Variants in KIAA1328 observed in about 807,000 individuals in gnomAD.
The protein encoded by KIAA1328 is KIAA1328.
In KIAA1328, 52 loss-of-function variants were observed where a neutral mutation model predicts 68.1. The observed-to-expected ratio is 0.76, with a 90% CI of 0.61 to 0.96. The LOEUF (loss-of-function observed/expected upper bound fraction) is 0.96. Among genes scored for constraint, KIAA1328 ranks in the 40% least tolerant of loss-of-function variants. The pLI is 0.00. For missense variants in KIAA1328, 641 were observed against 677.6 expected, an observed-to-expected ratio of 0.95 and a Z score of 0.60; for synonymous variants, 232 against 239.4, an observed-to-expected ratio of 0.97 and a Z score of 0.28.
At chr18:36,983,734 G>GA (rs1303110835) in intron 6 of KIAA1328, among the ~76,000 whole-genome samples, 1 of 152,046 alleles carries the variant, frequency 6.6e-6, no homozygotes, top group African/African-American at 2.4e-5. Context: ...AAGTCTTCCA[G>GA]AAAATTATAG....
intron 6 of KIAA1328, among the ~76,000 whole-genome samples, chr18:36,974,737 G>A (rs2052391096): frequency 6.6e-6 from 1 of 152,132 alleles, no homozygotes; most frequent in Admixed American, 6.5e-5. Flanking sequence ...TTTCCATACA[G>A]GTTGTAATTA....
At chr18:37,087,489 T>C (rs2057139179) in intron 7 of KIAA1328, among the ~76,000 whole-genome samples, 1 of 152,182 alleles carries the variant, frequency 6.6e-6, no homozygotes, top group Non-Finnish European at 1.5e-5. Flanking sequence ...ATTTTTGAAG[T>C]TTTATCTCTT....
intron 5 of KIAA1328, among the ~76,000 whole-genome samples, chr18:36,924,279 G>A (rs533779121): frequency 6.6e-6 from 1 of 152,066 alleles, no homozygotes; most frequent in South Asian, 2.1e-4. Flanking sequence ...AGATTTGAGG[G>A]GTGAAATCAG....
intron 5 of KIAA1328, among the ~76,000 whole-genome samples, chr18:36,915,731 GTATACA>G (rs139903804): frequency 0.023 from 3,522 of 152,202 alleles, 48 homozygotes; most frequent in Non-Finnish European, 0.038. Flanking sequence ...GTTGCTCATG[GTATACA>G]TATACAAAAT....
intron 6 of KIAA1328, among the ~76,000 whole-genome samples, chr18:37,044,054 C>T (rs527458337): frequency 3.3e-5 from 5 of 152,302 alleles, no homozygotes; most frequent in East Asian, 1.9e-4. Flanking sequence ...ATAGTGTTCA[C>T]GTTTAATTTA....
chr18:37,064,243 T>C (rs2056261172), intron 6 of KIAA1328, among the ~76,000 whole-genome samples: 1 of 152,186 alleles, frequency 6.6e-6, no homozygotes, highest in Non-Finnish European at 1.5e-5. Context: ...TAAATAGAAA[T>C]CCTTTAGCAT....
intron 6 of KIAA1328, among the ~76,000 whole-genome samples, chr18:37,021,517 T>C (rs774832449): frequency 2.4e-4 from 37 of 152,226 alleles, no homozygotes; most frequent in Non-Finnish European, 2.9e-4. Context: ...AAATTCTGAC[T>C]CTCAATATGG....
At chr18:36,843,374 C>T (rs553710741) in intron 3 of KIAA1328, among the ~76,000 whole-genome samples, 1 of 152,250 alleles carries the variant, frequency 6.6e-6, no homozygotes, top group South Asian at 2.1e-4. Context: ...GGTAATTGGA[C>T]TAACTTAACT....
intron 4 of KIAA1328, among the ~76,000 whole-genome samples, chr18:36,884,303 T>C (rs952974280): frequency 4.6e-5 from 7 of 151,990 alleles, no homozygotes; most frequent in African/African-American, 1.7e-4. Context: ...ATTACCCTCT[T>C]TGAAAGAAGG....
intron 9 of KIAA1328, among the ~76,000 whole-genome samples, chr18:37,218,608 T>C (rs1245896737): frequency 6.6e-6 from 1 of 152,256 alleles, no homozygotes; most frequent in Non-Finnish European, 1.5e-5. Flanking sequence ...TGGAATCAGC[T>C]TCTGAAGCTT....
At chr18:37,080,178 A>G (rs1000519019) in intron 7 of KIAA1328, among the ~76,000 whole-genome samples, 2 of 152,090 alleles carry the variant, frequency 1.3e-5, no homozygotes, top group African/African-American at 4.8e-5. Flanking sequence ...TACTCACATA[A>G]AATAGTTTGA....
chr18:37,127,118 T>C (rs534515767), intron 7 of KIAA1328, among the ~76,000 whole-genome samples: 40 of 152,292 alleles, frequency 2.6e-4, no homozygotes, highest in African/African-American at 9.4e-4. Context: ...GGAAAGGAAG[T>C]AGAACTTTGT....
intron 6 of KIAA1328, among the ~76,000 whole-genome samples, chr18:37,060,833 G>A (rs1412881270): frequency 6.6e-6 from 1 of 152,058 alleles, no homozygotes; most frequent in Non-Finnish European, 1.5e-5. Context: ...ATACTATGCA[G>A]CGGGCTGAGC....
chr18:37,070,204 T>C (rs2056476700), intron 7 of KIAA1328, among the ~76,000 whole-genome samples: 1 of 152,208 alleles, frequency 6.6e-6, no homozygotes, highest in Admixed American at 6.5e-5. Context: ...TTTCATTCTT[T>C]CAGACTTATT....
intron 7 of KIAA1328, among the ~76,000 whole-genome samples, chr18:37,156,971 G>A (rs1338824743): frequency 6.6e-6 from 1 of 152,148 alleles, no homozygotes; most frequent in Non-Finnish European, 1.5e-5. Flanking sequence ...TGCAATGTCT[G>A]CATCTAAGGG....
intron 5 of KIAA1328, among the ~76,000 whole-genome samples, chr18:36,913,695 C>A (rs929857011): frequency 2.5e-4 from 38 of 151,406 alleles, no homozygotes; most frequent in African/African-American, 8.2e-4. Flanking sequence ...CTTTAAAAAT[C>A]TTTTTTCCTT....
chr18:37,108,908 C>T (rs1055494785), intron 7 of KIAA1328, among the ~76,000 whole-genome samples: 1 of 152,082 alleles, frequency 6.6e-6, no homozygotes, highest in East Asian at 1.9e-4. Context: ...AGGTATTTCT[C>T]CTAATACTAT....
chr18:37,143,509 CT>C (rs957347779), intron 7 of KIAA1328, among the ~76,000 whole-genome samples: 23 of 115,580 alleles, frequency 2.0e-4, no homozygotes, highest in African/African-American at 6.2e-4. Flanking sequence ...AGCTTTATGC[CT>C]TTTTTTCTTT....
intron 4 of KIAA1328, among the ~76,000 whole-genome samples, chr18:36,868,675 T>C (rs2047837612): frequency 6.6e-6 from 1 of 152,196 alleles, no homozygotes; most frequent in Non-Finnish European, 1.5e-5. Context: ...AGCTATGTTC[T>C]AAGAAGCCTT....
Sources: allele counts gnomAD v4.1 joint callset (sites outside exome capture counted in the v4.1 genomes callset), GRCh38; gene constraint gnomAD v4.1.1; transcripts MANE v1.5; gene names NCBI Gene and HGNC (gene_info 2026-07-23, HGNC 2026-07-21).